The following AGBL4 variants were observed in gnomAD, a reference collection of about 807,000 sequenced individuals.
The protein encoded by AGBL4 is AGBL carboxypeptidase 4.
In AGBL4, 58 loss-of-function variants were observed where a neutral mutation model predicts 66.4. That is an observed-to-expected ratio of 0.87 (90% confidence interval 0.71 to 1.09). The LOEUF is 1.09. Among genes scored for constraint, AGBL4 ranks in the 50% least tolerant of loss-of-function variants. The probability of loss-of-function intolerance (pLI) is 0.00; values close to 1 mark genes in which losing one functional copy is unlikely to be tolerated. For synonymous variants in AGBL4, 234 were observed against 222.9 expected (o/e 1.05, Z -0.44); for missense variants, 579 against 631.0 (o/e 0.92, Z 0.88).
chr1:49,124,586 T>C (rs1224361096), intron 4 of AGBL4, among the ~76,000 whole-genome samples: 6 of 152,198 alleles, frequency 3.9e-5, no homozygotes, highest in Non-Finnish European at 7.3e-5. Flanking sequence ...ACCAATTCAT[T>C]AACCAACTAG....
At chr1:49,305,606 G>A (rs75826121) in intron 3 of AGBL4, among the ~76,000 whole-genome samples, 2,553 of 152,228 alleles carry the variant, frequency 0.017, 76 homozygotes, top group African/African-American at 0.059. Context: ...TCATTAAAGC[G>A]GATCAGAATA....
intron 3 of AGBL4, among the ~76,000 whole-genome samples, chr1:49,323,127 C>T (rs551714355): frequency 6.6e-6 from 1 of 152,178 alleles, no homozygotes; most frequent in Non-Finnish European, 1.5e-5. Flanking sequence ...TGTAAACACA[C>T]TCATTGTAAA....
intron 3 of AGBL4, among the ~76,000 whole-genome samples, chr1:49,343,529 C>A (rs974415613): frequency 6.6e-6 from 1 of 152,158 alleles, no homozygotes; most frequent in African/African-American, 2.4e-5. Flanking sequence ...ACTCCCCCAC[C>A]ACCAGAGGTA....
At chr1:49,174,356 T>C (rs1412774503) in intron 4 of AGBL4, among the ~76,000 whole-genome samples, 2 of 152,128 alleles carry the variant, frequency 1.3e-5, no homozygotes, top group African/African-American at 4.8e-5. Context: ...AAGAGAAGGA[T>C]GGCAAAGTTT....
At chr1:49,576,006 A>C (rs2148876942) in intron 3 of AGBL4, among the ~76,000 whole-genome samples, 1 of 152,324 alleles carries the variant, frequency 6.6e-6, no homozygotes. Flanking sequence ...ACATTTGCAT[A>C]CCAAATGATG....
chr1:49,668,058 TG>T (rs1646403787), intron 3 of AGBL4, among the ~76,000 whole-genome samples: 1 of 152,168 alleles, frequency 6.6e-6, no homozygotes, highest in African/African-American at 2.4e-5. Context: ...ATTCAATAAA[TG>T]GTAGTGTGGT....
At chr1:48,591,517 T>C (rs1490273099) in intron 9 of AGBL4, among the ~76,000 whole-genome samples, 1 of 152,124 alleles carries the variant, frequency 6.6e-6, no homozygotes, top group Non-Finnish European at 1.5e-5. Context: ...GAAAAACGAG[T>C]ATTTTAATTC....
chr1:48,594,693 A>G (rs141432291), intron 9 of AGBL4, among the ~76,000 whole-genome samples: 124 of 152,236 alleles, frequency 8.1e-4, no homozygotes, highest in African/African-American at 2.9e-3. Context: ...TTCAATTTAT[A>G]TGGTCATGGA....
intron 12 of AGBL4, among the ~76,000 whole-genome samples, chr1:48,535,448 C>T (rs187546668): frequency 8.5e-5 from 13 of 152,296 alleles, no homozygotes; most frequent in South Asian, 2.1e-4. Flanking sequence ...TCTCATGAGA[C>T]GATAAGTTTG....
intron 5 of AGBL4, among the ~76,000 whole-genome samples, chr1:48,911,802 T>G (rs1363302478): frequency 6.6e-6 from 1 of 152,216 alleles, no homozygotes; most frequent in Admixed American, 6.5e-5. Flanking sequence ...CAGTGCTACC[T>G]TCTTTGAAAT....
intron 1 of AGBL4, among the ~76,000 whole-genome samples, chr1:49,915,899 G>C (rs1201019773): frequency 6.6e-6 from 1 of 152,136 alleles, no homozygotes; most frequent in African/African-American, 2.4e-5. Flanking sequence ...CCAGAGGAAT[G>C]ATCAGGCAGC....
chr1:49,114,434 T>C (rs935125101), intron 4 of AGBL4, among the ~76,000 whole-genome samples: 4 of 152,300 alleles, frequency 2.6e-5, no homozygotes, highest in African/African-American at 9.6e-5. Flanking sequence ...TGATCTTCTA[T>C]CCAGACCACT....
intron 3 of AGBL4, among the ~76,000 whole-genome samples, chr1:49,409,454 G>C (rs1645272508): frequency 6.6e-6 from 1 of 152,108 alleles, no homozygotes; most frequent in East Asian, 1.9e-4. Context: ...CAGAAACAAG[G>C]AGTGAGGGAT....
chr1:49,442,738 A>G (rs1022253628), intron 3 of AGBL4, among the ~76,000 whole-genome samples: 4 of 152,068 alleles, frequency 2.6e-5, no homozygotes, highest in Non-Finnish European at 5.9e-5. Context: ...TATCCTTTTG[A>G]TATATTTATT....
At chr1:48,565,552 C>G (rs1006473716) in intron 11 of AGBL4, among the ~76,000 whole-genome samples, 9 of 152,076 alleles carry the variant, frequency 5.9e-5, no homozygotes, top group Admixed American at 4.6e-4. Flanking sequence ...CCTCCATTTA[C>G]TTCTCTTTTC....
At chr1:48,955,231 G>T (rs745344411) in intron 5 of AGBL4, among the ~76,000 whole-genome samples, 17 of 152,166 alleles carry the variant, frequency 1.1e-4, no homozygotes, top group Non-Finnish European at 2.2e-4. Context: ...AGTTGGGAGG[G>T]ATATCAAGGT....
intron 3 of AGBL4, among the ~76,000 whole-genome samples, chr1:49,262,236 G>A (rs1017488899): frequency 6.6e-6 from 1 of 152,140 alleles, no homozygotes; most frequent in African/African-American, 2.4e-5. Flanking sequence ...TTACCATTCA[G>A]GACATAGGCA....
At chr1:49,837,036 G>A (rs1645868860) in intron 2 of AGBL4, among the ~76,000 whole-genome samples, 1 of 152,172 alleles carries the variant, frequency 6.6e-6, no homozygotes. Flanking sequence ...TGGGTGTCAG[G>A]AACTTACTTG....
chr1:49,004,738 A>C (rs966536326), intron 5 of AGBL4, among the ~76,000 whole-genome samples: 4 of 152,240 alleles, frequency 2.6e-5, no homozygotes, highest in Non-Finnish European at 5.9e-5. Context: ...GGAGCCTTGA[A>C]GTAAGGGGGA....
Sources: allele counts gnomAD v4.1 joint callset (sites outside exome capture counted in the v4.1 genomes callset), GRCh38; gene constraint gnomAD v4.1.1; transcripts MANE v1.5; gene names NCBI Gene and HGNC (gene_info 2026-07-23, HGNC 2026-07-21).